Variants in PIR observed in about 807,000 individuals in gnomAD.
The protein encoded by PIR is pirin (iron-binding nuclear protein).
Under a neutral mutation model 24.2 loss-of-function variants are expected in PIR, and 22 were observed. That is an observed-to-expected ratio of 0.91 (90% CI 0.65 to 1.30). The LOEUF is 1.30. Ranked by LOEUF, PIR falls within the 50% of genes most tolerant of loss-of-function variation. The pLI, the probability that PIR is intolerant of heterozygous loss-of-function variation, is 0.00. For synonymous variants in PIR, 80 were observed against 79.6 expected, an observed-to-expected ratio of 1.00 and a Z score of -0.03; for missense variants, 220 against 220.3, an observed-to-expected ratio of 1.00 and a Z score of 0.01.
At chrX:15,445,699 T>C (rs188294058) in intron 5 of PIR, among the ~76,000 whole-genome samples, 188 of 111,094 alleles carry the variant, frequency 1.7e-3, no homozygotes, top group Admixed American at 3.5e-3. Flanking sequence ...AAGACTCCAT[T>C]AGATGGCATC....
intron 5 of PIR, among the ~76,000 whole-genome samples, chrX:15,428,638 CCTTT>C (rs1013912164): frequency 3.1e-4 from 35 of 111,160 alleles, no homozygotes; most frequent in African/African-American, 1.1e-3. Context: ...TCTTTCTTTA[CCTTT>C]CTTTCTTTCT....
chrX:15,392,821 AAT>A (rs1407577738), intron 8 of PIR, among the ~76,000 whole-genome samples: 3 of 112,446 alleles, frequency 2.7e-5, no homozygotes, highest in Non-Finnish European at 5.6e-5. Flanking sequence ...TAGCTGTCAA[AAT>A]ATGCAAACAT....
intron 6 of PIR, among the ~76,000 whole-genome samples, chrX:15,416,609 T>C (rs926221604): frequency 2.1e-4 from 23 of 111,728 alleles, no homozygotes; most frequent in African/African-American, 6.2e-4. Context: ...CCCTATATAA[T>C]TCCCTCTCTC....
chrX:15,482,071 G>A (rs1484464951), intron 2 of PIR, among the ~76,000 whole-genome samples: 3 of 112,002 alleles, frequency 2.7e-5, no homozygotes, highest in Non-Finnish European at 1.9e-5. Context: ...AAGTCAGGGA[G>A]GAGGGCACTT....
chrX:15,456,021 C>A lies in PIR; in HGVS notation c.307G>T (p.Glu103Ter), dbSNP rs1921069323. The change falls in exon 5 of 10, where the codon GAG (glutamate) becomes TAG (stop). Residue 103 changes from glutamate (E) to a stop codon, truncating the protein, a stop_gained. Transcript: ENST00000380420. LOFTEE classifies it high-confidence loss of function. ...MTAGRGILHA[E>*]MPCSEEPAHG... ...GCTGGCTCCTCTGAGCAAGGCATCT[C>A]AGCGTGCAGAATGCCCCGGCCCGCA... is the stretch of plus-strand genomic sequence containing the variant. 2.5e-6 allele frequency: 3 copies of A among 1,211,450 alleles called. No individual in the cohort carries two copies. The highest frequency in any genetic ancestry group is 3.4e-6 in the Non-Finnish European group (3 of 895,208).
chrX:15,424,145 T>C (rs1175027719), intron 6 of PIR, among the ~76,000 whole-genome samples: 1 of 111,268 alleles, frequency 9.0e-6, no homozygotes, highest in Admixed American at 9.6e-5. Flanking sequence ...TTATTCACAA[T>C]GTACAAAACG....
intron 1 of PIR, among the ~76,000 whole-genome samples, chrX:15,491,999 T>C (rs1923190412): frequency 9.1e-6 from 1 of 109,729 alleles, no homozygotes; most frequent in Non-Finnish European, 1.9e-5. Flanking sequence ...ACTTTGTCTT[T>C]CTTACTTCAC....
intron 9 of PIR, among the ~76,000 whole-genome samples, chrX:15,387,067 TCTTTTC>T (rs1329183420): frequency 2.8e-3 from 151 of 53,442 alleles, no homozygotes; most frequent in African/African-American, 0.01. Context: ...GTTTTTCTTT[TCTTTTC>T]TTTTTTTTTT....
chrX:15,443,841 T>G (rs1032261374), intron 5 of PIR, among the ~76,000 whole-genome samples: 5 of 111,941 alleles, frequency 4.5e-5, no homozygotes, highest in African/African-American at 1.6e-4. Flanking sequence ...GCAAGAGAAC[T>G]AGAATTAGAA....
intron 3 of PIR, among the ~76,000 whole-genome samples, chrX:15,479,398 G>A (rs150663757): frequency 0.019 from 2,038 of 107,114 alleles, 38 homozygotes; most frequent in African/African-American, 0.065. Context: ...AGAATGGAGC[G>A]TAGTGACATG....
chrX:15,418,423 C>T (rs1354063471), intron 6 of PIR, among the ~76,000 whole-genome samples: 1 of 112,247 alleles, frequency 8.9e-6, no homozygotes, highest in Non-Finnish European at 1.9e-5. Context: ...GATTGCCTTG[C>T]GCCTTGCAAG....
chrX:15,444,879 G>A (rs957547621), intron 5 of PIR, among the ~76,000 whole-genome samples: 1 of 111,623 alleles, frequency 9.0e-6, no homozygotes, highest in African/African-American at 3.3e-5. Context: ...TCTGGCTGGG[G>A]GACTCAATTG....
intron 3 of PIR, among the ~76,000 whole-genome samples, chrX:15,478,014 T>TC (rs34780784): frequency 0.03 from 2,302 of 77,740 alleles, 58 homozygotes; most frequent in African/African-American, 0.088. Flanking sequence ...TATAAAGTAT[T>TC]CCCCCCCCCC....
At chrX:15,407,114 A>G (rs1175633213) in intron 7 of PIR, among the ~76,000 whole-genome samples, 1 of 112,594 alleles carries the variant, frequency 8.9e-6, no homozygotes, top group Non-Finnish European at 1.9e-5. Context: ...AGAGGAAACT[A>G]GCATTGCAAA....
At chrX:15,465,420 A>T (rs908846236) in intron 3 of PIR, among the ~76,000 whole-genome samples, 1 of 111,994 alleles carries the variant, frequency 8.9e-6, no homozygotes, top group African/African-American at 3.2e-5. Context: ...TAAAAAACTG[A>T]AGCAGTACTT....
rs1436772569 is a variant in PIR, at chrX:15,397,466, C to G, written c.676G>C (p.Val226Leu). ...ATACTTACCTTGTTCTCCACCTGGA[C>G]ACTGTCACCTTCTCCAAGCACTGCT... ...HTAVLGEGDSVQVENKDPKRS... is the reference protein window; with the variant it reads ...HTAVLGEGDSLQVENKDPKRS... The change falls in exon 8 of 10, where the codon GTC becomes CTC. Residue 226 changes from valine (V) to leucine (L), a missense_variant. Coordinates refer to ENST00000380420, the MANE Select transcript of PIR (RefSeq NM_001018109.3). 4 of 1,194,688 alleles carry G rather than the reference C, an allele frequency of 3.3e-6. No homozygotes were observed. Among genetic ancestry groups the G allele is most frequent in the Middle Eastern group, 2.3e-4 (1 of 4,346 alleles).
chrX:15,480,552 C>T (rs747840070), intron 2 of PIR, among the ~76,000 whole-genome samples: 2 of 111,871 alleles, frequency 1.8e-5, no homozygotes, highest in East Asian at 2.8e-4. Context: ...ATGATAAATG[C>T]TTTGGAGGAA....
At chrX:15,398,669 G>GGGGTGTGTGT (rs1555952786) in intron 7 of PIR, among the ~76,000 whole-genome samples, 1 of 76,112 alleles carries the variant, frequency 1.3e-5, no homozygotes, top group African/African-American at 4.8e-5. Context: ...GAGGAGGGAG[G>GGGGTGTGTGT]GTGTGTGTGT....
chrX:15,478,257 T>C (rs186086752), intron 3 of PIR, among the ~76,000 whole-genome samples: 4 of 111,306 alleles, frequency 3.6e-5, no homozygotes, highest in African/African-American at 1.3e-4. Flanking sequence ...TAGAATACAA[T>C]CAAGGTCATC....
Sources: allele counts gnomAD v4.1 joint callset (sites outside exome capture counted in the v4.1 genomes callset), GRCh38; gene constraint gnomAD v4.1.1; transcripts MANE v1.5; gene names NCBI Gene and HGNC (gene_info 2026-07-23, HGNC 2026-07-21).